PRKCA: variants seen among roughly 807,000 people sequenced by gnomAD.
PRKCA encodes the protein protein kinase C alpha, also known as protein kinase C alpha type.
In PRKCA, 27 loss-of-function variants were observed where a neutral mutation model predicts 87.0. The observed-to-expected ratio is 0.31, with a 90% CI of 0.23 to 0.43. The LOEUF (loss-of-function observed/expected upper bound fraction) is 0.43. Among genes scored for constraint, PRKCA ranks in the 20% least tolerant of loss-of-function variants. The probability of loss-of-function intolerance (pLI) is 1.00; values close to 1 mark genes in which losing one functional copy is unlikely to be tolerated. For synonymous variants in PRKCA, 329 were observed against 311.1 expected (o/e 1.06, Z -0.61); for missense variants, 518 against 852.3 (o/e 0.61, Z 4.88).
rs576046937 is a variant in PRKCA at position 66,520,056 on chromosome 17, T to C, written c.288+23773T>C. 3.9e-5 allele frequency among the ~76,000 whole-genome samples: 6 copies of C among 152,254 alleles called. No individual in the cohort carries two copies. The South Asian group carries it at 8.3e-4, about 21-fold the overall frequency. ...TTTTGTTTGTTTGTTTGTTTGTCTG[T>C]TTTGGCTGAAATGCAGTGATCTGAT... On this transcript the variant is annotated intron_variant, in intron 3 of 16. Coordinates refer to ENST00000413366, the MANE Select transcript of PRKCA (RefSeq NM_002737.3).
intron 2 of PRKCA, among the ~76,000 whole-genome samples, chr17:66,440,989 T>C (rs1913709306): frequency 6.6e-6 from 1 of 151,814 alleles, no homozygotes; most frequent in Non-Finnish European, 1.5e-5. Flanking sequence ...TGGTGAACCC[T>C]GTCTCTACTA....
At chr17:66,426,111 A>G (rs1275199349) in intron 2 of PRKCA, among the ~76,000 whole-genome samples, 2 of 152,160 alleles carry the variant, frequency 1.3e-5, no homozygotes, top group African/African-American at 4.8e-5. Context: ...AAGTGTCATT[A>G]TTTGCAGGAA....
intron 2 of PRKCA, among the ~76,000 whole-genome samples, chr17:66,462,838 A>G (rs1229738944): frequency 6.6e-6 from 1 of 152,120 alleles, no homozygotes; most frequent in Non-Finnish European, 1.5e-5. Context: ...GTAGCCCAGA[A>G]GTTTACTGTT....
intron 3 of PRKCA, among the ~76,000 whole-genome samples, chr17:66,615,165 G>GC (rs1970482829): frequency 6.6e-6 from 1 of 152,184 alleles, no homozygotes; most frequent in South Asian, 2.1e-4. Context: ...CAGCTGAGTG[G>GC]CCTCCCTCTA....
chr17:66,393,086 G>A (rs1910454885), intron 2 of PRKCA, among the ~76,000 whole-genome samples: 1 of 152,164 alleles, frequency 6.6e-6, no homozygotes. Flanking sequence ...TGTGTGAAAC[G>A]GAGGTGATTT....
At chr17:66,648,157 T>A (rs1971501197) in intron 5 of PRKCA, among the ~76,000 whole-genome samples, 1 of 152,218 alleles carries the variant, frequency 6.6e-6, no homozygotes, top group South Asian at 2.1e-4. Context: ...TGTCCTCACA[T>A]GGTGCAAGGA....
At chr17:66,640,277 A>G (rs181088221) in intron 3 of PRKCA, among the ~76,000 whole-genome samples, 2 of 152,338 alleles carry the variant, frequency 1.3e-5, no homozygotes, top group African/African-American at 4.8e-5. Context: ...CAGTGACTCC[A>G]GAATCTACGC....
At chr17:66,322,483 G>A (rs774034632) in intron 2 of PRKCA, among the ~76,000 whole-genome samples, 20 of 152,018 alleles carry the variant, frequency 1.3e-4, no homozygotes, top group Non-Finnish European at 8.8e-5. Flanking sequence ...TTTTTAAAGA[G>A]ATGGAGTCTC....
At chr17:66,351,392 G>A (rs1405413503) in intron 2 of PRKCA, among the ~76,000 whole-genome samples, 1 of 152,128 alleles carries the variant, frequency 6.6e-6, no homozygotes, top group Non-Finnish European at 1.5e-5. Context: ...TGGTTCCTAT[G>A]GTATGTGTTT....
At chr17:66,309,578 A>G (rs1904990714) in intron 2 of PRKCA, among the ~76,000 whole-genome samples, 1 of 152,160 alleles carries the variant, frequency 6.6e-6, no homozygotes, top group Admixed American at 6.5e-5. Flanking sequence ...TCTGGGGAGG[A>G]GAAAGATGAG....
chr17:66,664,157 C>T (rs939552306), intron 5 of PRKCA, among the ~76,000 whole-genome samples: 4 of 152,178 alleles, frequency 2.6e-5, no homozygotes, highest in East Asian at 1.9e-4. Context: ...TGTGAGCCAC[C>T]GCGCCCAACC....
intron 14 of PRKCA, among the ~76,000 whole-genome samples, chr17:66,781,868 G>GAGAGATAGATATAT (rs1491546533): frequency 1.0e-5 from 1 of 99,324 alleles, no homozygotes; most frequent in African/African-American, 3.8e-5. Flanking sequence ...GAGAGAGAGA[G>GAGAGATAGATATAT]ATATATATAT....
chr17:66,385,989 A>G (rs912417971), intron 2 of PRKCA, among the ~76,000 whole-genome samples: 2 of 151,388 alleles, frequency 1.3e-5, no homozygotes, highest in Admixed American at 6.6e-5. Context: ...TGAACTCCTG[A>G]CCTCAGGCGA....
At chr17:66,684,442 G>A (rs751789700) in intron 5 of PRKCA, among the ~76,000 whole-genome samples, 6 of 152,214 alleles carry the variant, frequency 3.9e-5, no homozygotes, top group East Asian at 1.9e-4. Flanking sequence ...TTAGTTGCTC[G>A]TAATCCTGAT....
chr17:66,446,059 G>A (rs1370209521), intron 2 of PRKCA, among the ~76,000 whole-genome samples: 1 of 152,068 alleles, frequency 6.6e-6, no homozygotes, highest in Non-Finnish European at 1.5e-5. Flanking sequence ...AGTGATCCGT[G>A]CACCTCGGCC....
At chr17:66,572,475 G>T (rs540193063) in intron 3 of PRKCA, among the ~76,000 whole-genome samples, 91 of 148,370 alleles carry the variant, frequency 6.1e-4, no homozygotes, top group African/African-American at 2.2e-3. Context: ...TCAGGGGGAG[G>T]AAAAAAAAAA....
intron 3 of PRKCA, among the ~76,000 whole-genome samples, chr17:66,603,916 T>C (rs1349542790): frequency 2.6e-5 from 4 of 152,206 alleles, no homozygotes; most frequent in Non-Finnish European, 4.4e-5. Flanking sequence ...GTCCTCAGGG[T>C]TCATTCATGT....
At chr17:66,553,461 TACTCCTCC>T (rs931402851) in intron 3 of PRKCA, among the ~76,000 whole-genome samples, 1 of 152,238 alleles carries the variant, frequency 6.6e-6, no homozygotes, top group Admixed American at 6.5e-5. Flanking sequence ...GATTCTTGAA[TACTCCTCC>T]CTGCCAGAGG....
intron 2 of PRKCA, among the ~76,000 whole-genome samples, chr17:66,427,044 T>A (rs996837165): frequency 4.6e-5 from 7 of 152,150 alleles, no homozygotes; most frequent in South Asian, 2.1e-4. Flanking sequence ...ATTTTTTTTT[T>A]AATTTTTAAG....
Sources: gnomAD v4.1 joint callset for allele counts (sites outside exome capture counted in the v4.1 genomes callset) on GRCh38, gnomAD v4.1.1 for gene constraint, MANE v1.5 for transcripts, NCBI Gene and HGNC (gene_info 2026-07-23, HGNC 2026-07-21) for gene names.